Variants in ASTN2 observed in about 807,000 individuals in gnomAD.
ASTN2 encodes astrotactin 2, also known as astrotactin-2.
ASTN2 carries 54 observed loss-of-function variants against 139.8 expected under a neutral mutation model. The ratio of observed to expected loss-of-function variants is 0.39; its 90% CI spans 0.31 to 0.48. ASTN2 has a LOEUF of 0.48. Ranked by LOEUF, ASTN2 falls within the 20% of genes least tolerant of loss-of-function variation. The pLI is 0.95. For synonymous variants in ASTN2, 756 were observed against 719.5 expected (o/e 1.05, Z -0.81); for missense variants, 1,565 against 1,725.1 (o/e 0.91, Z 1.64).
rs192670053 is a variant in ASTN2, at chr9:116,566,164, C to T, written c.3355+52160G>A. 9.2e-5 allele frequency among the ~76,000 whole-genome samples: 14 copies of T among 152,360 alleles called. 1 individual carries two copies. The highest frequency in any genetic ancestry group is 1.8e-4 in the Non-Finnish European group (12 of 68,034). Reference sequence around the variant, plus strand: ...CCTTAGTCTTGTCTGGCCTTGATTTCTCCTCCAGGGTCATTTCTCACTAAT... The same window carrying T: ...CCTTAGTCTTGTCTGGCCTTGATTTTTCCTCCAGGGTCATTTCTCACTAAT... On this transcript the variant is annotated intron_variant, in intron 19 of 22. Transcript: ENST00000313400.
chr9:117,015,317 C>G (rs1385896462), intron 6 of ASTN2, among the ~76,000 whole-genome samples: 2 of 152,164 alleles, frequency 1.3e-5, no homozygotes, highest in Non-Finnish European at 2.9e-5. Context: ...CTGCCCTTGG[C>G]CACCTCTGAC....
intron 2 of ASTN2, among the ~76,000 whole-genome samples, chr9:117,258,932 T>TAC (rs1417356540): frequency 6.6e-6 from 1 of 152,186 alleles, no homozygotes; most frequent in Non-Finnish European, 1.5e-5. Flanking sequence ...AGAGTAGATA[T>TAC]ACAAAGGTAG....
At chr9:116,556,941 A>G (rs1852650717) in intron 19 of ASTN2, among the ~76,000 whole-genome samples, 1 of 152,152 alleles carries the variant, frequency 6.6e-6, no homozygotes, top group East Asian at 1.9e-4. Flanking sequence ...TATGTTTACT[A>G]CTGGGTTTAA....
At chr9:117,058,729 C>T (rs903642438) in intron 5 of ASTN2, among the ~76,000 whole-genome samples, 5 of 152,130 alleles carry the variant, frequency 3.3e-5, no homozygotes, top group African/African-American at 9.7e-5. Context: ...GACATGGACG[C>T]CATCCTCATG....
chr9:117,248,132 CTG>C (rs1833435787), intron 2 of ASTN2, among the ~76,000 whole-genome samples: 1 of 152,206 alleles, frequency 6.6e-6, no homozygotes, highest in African/African-American at 2.4e-5. Context: ...GATATAGTCT[CTG>C]ATCTCAAAAC....
At chr9:116,907,754 G>A (rs1017021295) in intron 10 of ASTN2, among the ~76,000 whole-genome samples, 8 of 152,192 alleles carry the variant, frequency 5.3e-5, no homozygotes, top group East Asian at 3.8e-4. Context: ...AAGGATGGGC[G>A]GAAATGGGAG....
At chr9:116,543,010 G>A (rs61023064) in intron 19 of ASTN2, among the ~76,000 whole-genome samples, 1 of 151,736 alleles carries the variant, frequency 6.6e-6, no homozygotes, top group Non-Finnish European at 1.5e-5. Flanking sequence ...AAATCATATA[G>A]TATCTTGTTG....
At chr9:116,903,398 C>T (rs746289529) in intron 10 of ASTN2, among the ~76,000 whole-genome samples, 13 of 152,222 alleles carry the variant, frequency 8.5e-5, no homozygotes, top group Admixed American at 2.6e-4. Flanking sequence ...TGGATATTTG[C>T]GACCAATTGG....
At chr9:116,528,081 G>T (rs1478253914) in intron 19 of ASTN2, among the ~76,000 whole-genome samples, 1 of 152,210 alleles carries the variant, frequency 6.6e-6, no homozygotes, top group African/African-American at 2.4e-5. Flanking sequence ...TTGGAAGGGG[G>T]TAACAGGCAG....
chr9:117,228,092 A>G (rs1832772270), intron 2 of ASTN2, among the ~76,000 whole-genome samples: 1 of 152,160 alleles, frequency 6.6e-6, no homozygotes, highest in Non-Finnish European at 1.5e-5. Flanking sequence ...CAGTTTCCCC[A>G]GGTTTAAAAT....
chr9:116,509,343 C>A (rs1850260203), intron 19 of ASTN2, among the ~76,000 whole-genome samples: 1 of 152,100 alleles, frequency 6.6e-6, no homozygotes, highest in African/African-American at 2.4e-5. Flanking sequence ...TGAACTCATC[C>A]TTTTTTATGG....
chr9:116,794,062 GCAAAACAAAA>G (rs959109744), intron 13 of ASTN2, among the ~76,000 whole-genome samples: 3 of 149,504 alleles, frequency 2.0e-5, no homozygotes, highest in Admixed American at 6.7e-5. Context: ...TAGCTGATAT[GCAAAACAAAA>G]CAAAACAAAA....
chr9:117,211,099 G>A (rs1832110770), intron 3 of ASTN2, among the ~76,000 whole-genome samples: 2 of 151,588 alleles, frequency 1.3e-5, no homozygotes, highest in African/African-American at 4.9e-5. Flanking sequence ...CAAATCCACA[G>A]CTAACATCTT....
intron 4 of ASTN2, among the ~76,000 whole-genome samples, chr9:117,119,074 C>T (rs1040700682): frequency 6.6e-6 from 1 of 152,126 alleles, no homozygotes; most frequent in Non-Finnish European, 1.5e-5. Flanking sequence ...ACTTAAGTGC[C>T]CAGCATTGGG....
chr9:117,142,565 C>T (rs1281326368), intron 3 of ASTN2, among the ~76,000 whole-genome samples: 1 of 152,154 alleles, frequency 6.6e-6, no homozygotes, highest in Admixed American at 6.5e-5. Flanking sequence ...ATTCCGTTTG[C>T]ACCAATACCT....
At chr9:117,081,120 A>G (rs1161857463) in intron 5 of ASTN2, among the ~76,000 whole-genome samples, 2 of 152,186 alleles carry the variant, frequency 1.3e-5, no homozygotes, top group African/African-American at 4.8e-5. Context: ...AGTGAAACAC[A>G]GAATGGGTTT....
At position 116,841,150 on chromosome 9, in the gene ASTN2, G is replaced by A. The variant is rs184067437; in HGVS notation, c.2041-20367C>T. 2.0e-3 allele frequency among the ~76,000 whole-genome samples: 304 copies of A among 152,336 alleles called. 2 individuals carry two copies. Among genetic ancestry groups the A allele is most frequent in the African/African-American group, 4.7e-3 (196 of 41,586 alleles). ...GGCACCTCGGGAGGCCGAGGCTGTC[G>A]GATCACTCGCGGTTAGGAGCTGGAG... is the stretch of plus-strand genomic sequence containing the variant. On this transcript the variant is annotated intron_variant, in intron 11 of 22. Coordinates refer to ENST00000313400, the MANE Select transcript of ASTN2 (RefSeq NM_001365068.1).
chr9:116,812,276 G>T (rs150489716), intron 12 of ASTN2, among the ~76,000 whole-genome samples: 1 of 152,332 alleles, frequency 6.6e-6, no homozygotes, highest in East Asian at 1.9e-4. Flanking sequence ...AGACTTTGAA[G>T]ATGGGATTAA....
At chr9:116,565,517 C>T (rs1445845553) in intron 19 of ASTN2, among the ~76,000 whole-genome samples, 1 of 149,862 alleles carries the variant, frequency 6.7e-6, no homozygotes, top group Non-Finnish European at 1.5e-5. Context: ...AACCTCCAGT[C>T]ACACCCTTCC....
Sources: gnomAD v4.1 joint callset for allele counts (sites outside exome capture counted in the v4.1 genomes callset) on GRCh38, gnomAD v4.1.1 for gene constraint, MANE v1.5 for transcripts, NCBI Gene and HGNC (gene_info 2026-07-23, HGNC 2026-07-21) for gene names.